The following ICA1 variants were observed in gnomAD, a reference collection of about 807,000 sequenced individuals.
ICA1 encodes the protein islet cell autoantigen 1, also known as 69 kDa islet cell autoantigen.
A neutral mutation model predicts 71.0 loss-of-function variants in ICA1; 40 were observed. The observed-to-expected ratio is 0.56, with a 90% CI of 0.44 to 0.73. ICA1 has a LOEUF of 0.73. Ranked by LOEUF, ICA1 falls within the 30% of genes least tolerant of loss-of-function variation. The probability of loss-of-function intolerance (pLI) is 0.00; values close to 1 mark genes in which losing one functional copy is unlikely to be tolerated. For missense variants in ICA1, 578 were observed against 576.5 expected, an observed-to-expected ratio of 1.00 and a Z score of -0.03; for synonymous variants, 207 against 209.5, an observed-to-expected ratio of 0.99 and a Z score of 0.10.
intron 1 of ICA1, among the ~76,000 whole-genome samples, chr7:8,247,945 T>C (rs1378966846): frequency 6.6e-6 from 1 of 152,202 alleles, no homozygotes; most frequent in Non-Finnish European, 1.5e-5. Context: ...AATACCTTGT[T>C]CTTTCATACA....
chr7:8,252,500 C>A (rs1045055721), intron 1 of ICA1, among the ~76,000 whole-genome samples: 1 of 152,114 alleles, frequency 6.6e-6, no homozygotes, highest in Non-Finnish European at 1.5e-5. Flanking sequence ...TAAGACTATG[C>A]AGTCCAATAT....
intron 8 of ICA1, among the ~76,000 whole-genome samples, chr7:8,149,723 T>C (rs549829818): frequency 5.3e-5 from 8 of 152,368 alleles, no homozygotes; most frequent in African/African-American, 1.9e-4. Context: ...AATTTTCTTA[T>C]GCTACTTTCC....
rs1378690295 is a variant in ICA1, at chr7:8,222,937, G to A, written c.257-1539C>T. 6.6e-6 allele frequency among the ~76,000 whole-genome samples: 1 copy of A among 152,178 alleles called. No homozygotes were observed. Among genetic ancestry groups the A allele is most frequent in the Non-Finnish European group, 1.5e-5 (1 of 68,036 alleles). On this transcript the variant is annotated intron_variant, in intron 4 of 13. Coordinates refer to ENST00000402384, the MANE Select transcript of ICA1 (RefSeq NM_001136020.3). This position sits in a 1 kb window ranked among gnomAD's most constrained non-coding sequence, Gnocchi z 4.8. Reference sequence around the variant, plus strand: ...ACCCAAACTTTGTATTCCCCAGGCTGAGCATAAAGTCTTAAATTCACGGTG... The same window carrying A: ...ACCCAAACTTTGTATTCCCCAGGCTAAGCATAAAGTCTTAAATTCACGGTG...
At chr7:8,243,977 A>C (rs1444614420) in intron 1 of ICA1, among the ~76,000 whole-genome samples, 1 of 152,234 alleles carries the variant, frequency 6.6e-6, no homozygotes, top group Admixed American at 6.5e-5. Context: ...AATATTGTGA[A>C]AATGGCCATA....
intron 6 of ICA1, among the ~76,000 whole-genome samples, chr7:8,175,308 A>G (rs1006442274): frequency 6.6e-6 from 1 of 152,220 alleles, no homozygotes; most frequent in Non-Finnish European, 1.5e-5. Flanking sequence ...ACGGTTAATC[A>G]TCAGTATTTT....
Position 8,132,286 on chromosome 7 carries a change from T to C in ICA1, c.1061-4144A>G, listed in dbSNP as rs1584346908. 6.6e-6 allele frequency among the ~76,000 whole-genome samples: 1 copy of C among 152,184 alleles called. No homozygotes were observed. The highest frequency in any genetic ancestry group is 2.4e-5 in the African/African-American group (1 of 41,446). On this transcript the variant is annotated intron_variant, in intron 12 of 13. Coordinates refer to ENST00000402384, the MANE Select transcript of ICA1 (RefSeq NM_001136020.3). The surrounding 1 kb of genome is among the most constrained non-coding windows in gnomAD (Gnocchi z 4.5). ...TTATTCAGATCCAGCACCTTTAGTC[T>C]TTCATTTTCCAATGCTTCCTTCCCC...
intron 6 of ICA1, among the ~76,000 whole-genome samples, chr7:8,189,350 T>C (rs1247277811): frequency 6.6e-6 from 1 of 152,198 alleles, no homozygotes; most frequent in Non-Finnish European, 1.5e-5. Context: ...TTACAGATGA[T>C]GTGATACACA....
chr7:8,164,187 C>G (rs948108220), intron 6 of ICA1, among the ~76,000 whole-genome samples: 1 of 151,206 alleles, frequency 6.6e-6, no homozygotes, highest in Non-Finnish European at 1.5e-5. Context: ...GCCTGTAATC[C>G]TAGCTACTCA....
At chr7:8,122,820 T>C (rs917831883) in intron 13 of ICA1, among the ~76,000 whole-genome samples, 2 of 152,270 alleles carry the variant, frequency 1.3e-5, no homozygotes, top group African/African-American at 2.4e-5. Context: ...TGTATGTTTT[T>C]GGGAATTTGG....
At chr7:8,224,807 T>G (rs1168401370) in intron 4 of ICA1, among the ~76,000 whole-genome samples, 1 of 152,246 alleles carries the variant, frequency 6.6e-6, no homozygotes, top group Non-Finnish European at 1.5e-5. Context: ...TTTCATGACT[T>G]TGACATATTT....
chr7:8,166,833 A>G (rs898976992), intron 6 of ICA1, among the ~76,000 whole-genome samples: 6 of 152,174 alleles, frequency 3.9e-5, no homozygotes, highest in Non-Finnish European at 2.9e-5. Context: ...CCAAAACCAT[A>G]AACAGACACT....
intron 6 of ICA1, among the ~76,000 whole-genome samples, chr7:8,214,563 G>C (rs759773889): frequency 6.6e-6 from 1 of 152,156 alleles, no homozygotes; most frequent in Non-Finnish European, 1.5e-5. Flanking sequence ...GTCCCTCATG[G>C]TCATATTGAC....
chr7:8,136,646 G>A (rs1400297987), intron 12 of ICA1, among the ~76,000 whole-genome samples: 1 of 152,210 alleles, frequency 6.6e-6, no homozygotes, highest in African/African-American at 2.4e-5. Context: ...CAGTGAGAAA[G>A]AGAAAAGACA....
intron 6 of ICA1, among the ~76,000 whole-genome samples, chr7:8,201,700 ATCT>A (rs1356473227): frequency 3.3e-5 from 5 of 152,262 alleles, no homozygotes; most frequent in African/African-American, 1.2e-4. Flanking sequence ...AATTCAGAAG[ATCT>A]TCTATGTTTT....
intron 2 of ICA1, among the ~76,000 whole-genome samples, chr7:8,235,374 T>C (rs1026643409): frequency 2.0e-5 from 3 of 152,192 alleles, no homozygotes; most frequent in East Asian, 3.8e-4. Flanking sequence ...TATAGGCACA[T>C]AAATGTCAGC....
chr7:8,154,071 A>G (rs1800636278), intron 8 of ICA1, among the ~76,000 whole-genome samples: 1 of 152,060 alleles, frequency 6.6e-6, no homozygotes, highest in Non-Finnish European at 1.5e-5. Flanking sequence ...TAAAAAAATT[A>G]AAATGATGAA....
chr7:8,169,317 AT>A (rs1807395357), intron 6 of ICA1, among the ~76,000 whole-genome samples: 1 of 152,102 alleles, frequency 6.6e-6, no homozygotes, highest in African/African-American at 2.4e-5. Flanking sequence ...TAAAGCTGTT[AT>A]AAATATTTGA....
intron 8 of ICA1, among the ~76,000 whole-genome samples, chr7:8,145,881 A>T (rs1796718866): frequency 6.6e-6 from 1 of 152,008 alleles, no homozygotes. Context: ...GACGTTATAT[A>T]CCTTAAGCAG....
intron 6 of ICA1, among the ~76,000 whole-genome samples, chr7:8,202,766 A>T (rs2128337645): frequency 6.6e-6 from 1 of 152,368 alleles, no homozygotes; most frequent in Non-Finnish European, 1.5e-5. Flanking sequence ...AACAAACTGC[A>T]GAGTAAAATG....
Sources: gnomAD v4.1 joint callset for allele counts (sites outside exome capture counted in the v4.1 genomes callset) on GRCh38, gnomAD v4.1.1 for gene constraint, Gnocchi (gnomAD v3.1) non-coding constraint, MANE v1.5 for transcripts, NCBI Gene and HGNC (gene_info 2026-07-23, HGNC 2026-07-21) for gene names.